GPC5: variants seen among roughly 807,000 people sequenced by gnomAD.
GPC5 encodes glypican-5.
A neutral mutation model predicts 53.9 loss-of-function variants in GPC5; 47 were observed. The ratio of observed to expected loss-of-function variants is 0.87; its 90% CI spans 0.69 to 1.11. The LOEUF is 1.11. Ranked by LOEUF, GPC5 falls within the 50% of genes most tolerant of loss-of-function variation. The pLI is 0.00. For synonymous variants in GPC5, 286 were observed against 263.3 expected (o/e 1.09, Z -0.84); for missense variants, 748 against 713.1 (o/e 1.05, Z -0.56).
At chr13:91,648,439 C>T (rs1436811334) in intron 2 of GPC5, among the ~76,000 whole-genome samples, 1 of 151,600 alleles carries the variant, frequency 6.6e-6, no homozygotes, top group Non-Finnish European at 1.5e-5. Flanking sequence ...ACTCTTACAT[C>T]TTAAACAACA....
chr13:92,149,501 G>T lies in GPC5; in HGVS notation c.1561+4512G>T, dbSNP rs183513923. 1.8e-3 allele frequency among the ~76,000 whole-genome samples: 272 copies of T among 152,162 alleles called. 1 individual carries two copies. Among genetic ancestry groups the T allele is most frequent in the Non-Finnish European group, 3.2e-3 (218 of 67,934 alleles). ...TAAAATAAATAGAACTATTGTTTGTGTTGTGTTTTGGTTTTCTCACATGGT... is the reference window on the plus strand; with the variant it reads ...TAAAATAAATAGAACTATTGTTTGTTTTGTGTTTTGGTTTTCTCACATGGT... On this transcript the variant is annotated intron_variant, in intron 7 of 7. Transcript: ENST00000377067.
chr13:91,594,369 C>G (rs1310882798), intron 2 of GPC5, among the ~76,000 whole-genome samples: 1 of 152,110 alleles, frequency 6.6e-6, no homozygotes, highest in East Asian at 1.9e-4. Context: ...TTTATTGTTC[C>G]ATTGATCTTG....
At chr13:92,321,275 A>G (rs952910375) in intron 7 of GPC5, among the ~76,000 whole-genome samples, 8 of 152,262 alleles carry the variant, frequency 5.3e-5, no homozygotes, top group African/African-American at 1.7e-4. Flanking sequence ...TAAATTGGAA[A>G]GAGCTGAAGT....
intron 7 of GPC5, among the ~76,000 whole-genome samples, chr13:92,656,860 G>A (rs1886154050): frequency 1.3e-5 from 2 of 152,180 alleles, no homozygotes; most frequent in African/African-American, 4.8e-5. Flanking sequence ...CGAGTCTGAG[G>A]ACAGAGGATG....
chr13:91,449,617 T>A (rs762772491), intron 2 of GPC5, among the ~76,000 whole-genome samples: 1 of 152,114 alleles, frequency 6.6e-6, no homozygotes, highest in Non-Finnish European at 1.5e-5. Context: ...GTGGAATATA[T>A]CAAAGTGCAA....
At chr13:92,846,837 A>C (rs1406590313) in intron 7 of GPC5, among the ~76,000 whole-genome samples, 1 of 152,218 alleles carries the variant, frequency 6.6e-6, no homozygotes, top group Non-Finnish European at 1.5e-5. Flanking sequence ...GATATTTTGA[A>C]AAGGTACATA....
intron 7 of GPC5, among the ~76,000 whole-genome samples, chr13:92,228,893 T>A (rs2042508749): frequency 6.6e-6 from 1 of 152,140 alleles, no homozygotes; most frequent in Non-Finnish European, 1.5e-5. Flanking sequence ...GCTTTGTATT[T>A]AATGACCATT....
At chr13:91,921,547 T>C (rs911956688) in intron 6 of GPC5, among the ~76,000 whole-genome samples, 2 of 152,110 alleles carry the variant, frequency 1.3e-5, no homozygotes, top group African/African-American at 4.8e-5. Flanking sequence ...ATGACAATTA[T>C]AAATTACAGG....
chr13:91,994,437 T>A (rs182738782), intron 6 of GPC5: 1 of 152,186 alleles, frequency 6.6e-6, no homozygotes, highest in Admixed American at 6.5e-5. Flanking sequence ...CAAATCTTTA[T>A]AGAGTGACTG....
chr13:92,541,339 A>G (rs1333850954), intron 7 of GPC5, among the ~76,000 whole-genome samples: 2 of 151,810 alleles, frequency 1.3e-5, no homozygotes, highest in African/African-American at 4.8e-5. Context: ...TTATATGAAA[A>G]TGTATTTATT....
At chr13:91,685,807 T>C (rs2035609413) in intron 2 of GPC5, among the ~76,000 whole-genome samples, 1 of 152,016 alleles carries the variant, frequency 6.6e-6, no homozygotes, top group South Asian at 2.1e-4. Flanking sequence ...GCCAAAAATA[T>C]AGAACATCTC....
Position 91,767,948 on chromosome 13 carries a change from T to C in GPC5, c.1280+11528T>C, listed in dbSNP as rs529037184. Among the ~76,000 whole-genome samples, 10 of 152,308 alleles carry C rather than the reference T, an allele frequency of 6.6e-5. 1 individual carries two copies. The highest frequency in any genetic ancestry group is 2.4e-4 in the African/African-American group (10 of 41,566). ...TTCAAGGCTCCAGGATGCCTGTTCT[T>C]ACTTTAGCCAGAGCAGTTTCTTATT... On this transcript the variant is annotated intron_variant, in intron 5 of 7. Coordinates refer to ENST00000377067, the MANE Select transcript of GPC5 (RefSeq NM_004466.6).
chr13:92,036,960 C>T (rs2040898152), intron 6 of GPC5, among the ~76,000 whole-genome samples: 1 of 152,182 alleles, frequency 6.6e-6, no homozygotes. Flanking sequence ...TACCTTCCTA[C>T]TCCTTCCTTA....
At chr13:92,122,867 CAAAA>C (rs896832521) in intron 6 of GPC5, among the ~76,000 whole-genome samples, 1 of 144,414 alleles carries the variant, frequency 6.9e-6, no homozygotes, top group African/African-American at 2.6e-5. Flanking sequence ...ATACTGGCAA[CAAAA>C]AAAAGCAATT....
intron 2 of GPC5, among the ~76,000 whole-genome samples, chr13:91,593,264 C>T (rs568969100): frequency 3.3e-5 from 5 of 152,110 alleles, no homozygotes; most frequent in Non-Finnish European, 7.4e-5. Flanking sequence ...TCAGTGTCTG[C>T]GTGATACCTT....
chr13:91,639,563 C>T (rs1224139442), intron 2 of GPC5, among the ~76,000 whole-genome samples: 1 of 152,144 alleles, frequency 6.6e-6, no homozygotes, highest in Non-Finnish European at 1.5e-5. Flanking sequence ...TAAGAACTTA[C>T]TCTAATTGAG....
At chr13:91,759,430 C>T (rs1282634854) in intron 5 of GPC5, among the ~76,000 whole-genome samples, 1 of 152,054 alleles carries the variant, frequency 6.6e-6, no homozygotes, top group African/African-American at 2.4e-5. Flanking sequence ...TTATTGTTGA[C>T]TGTAGTCATC....
chr13:91,455,650 G>C (rs904259874), intron 2 of GPC5, among the ~76,000 whole-genome samples: 1 of 152,012 alleles, frequency 6.6e-6, no homozygotes, highest in Non-Finnish European at 1.5e-5. Context: ...TAAAGTAATT[G>C]GAATTTCTTT....
At chr13:92,271,674 G>A (rs760342930) in intron 7 of GPC5, among the ~76,000 whole-genome samples, 3 of 152,152 alleles carry the variant, frequency 2.0e-5, no homozygotes, top group Non-Finnish European at 4.4e-5. Context: ...ATCCAGGGTG[G>A]AGTTGTGAAT....
Sources: allele counts gnomAD v4.1 joint callset (sites outside exome capture counted in the v4.1 genomes callset), GRCh38; gene constraint gnomAD v4.1.1; transcripts MANE v1.5; gene names NCBI Gene and HGNC (gene_info 2026-07-23, HGNC 2026-07-21).